MARK3: variants seen among roughly 807,000 people sequenced by gnomAD.
The protein encoded by MARK3 is microtubule affinity regulating kinase 3.
MARK3 carries 46 observed loss-of-function variants against 90.1 expected under a neutral mutation model. That is an observed-to-expected ratio of 0.51 (90% CI 0.40 to 0.65). The LOEUF (loss-of-function observed/expected upper bound fraction) is 0.65, where lower values mean the gene tolerates loss of function less well. Among genes scored for constraint, MARK3 ranks in the 30% least tolerant of loss-of-function variants. MARK3 has a pLI of 0.00. For synonymous variants in MARK3, 321 were observed against 332.6 expected (o/e 0.97, Z 0.38); for missense variants, 818 against 947.2 (o/e 0.86, Z 1.79).
intron 1 of MARK3, among the ~76,000 whole-genome samples, chr14:103,395,066 C>G (rs1169756894): frequency 6.6e-6 from 1 of 152,172 alleles, no homozygotes; most frequent in Non-Finnish European, 1.5e-5. Context: ...AGGCATGAGC[C>G]ACAGCGCCTG....
intron 2 of MARK3, among the ~76,000 whole-genome samples, chr14:103,408,375 G>A (rs910448979): frequency 1.3e-5 from 2 of 152,136 alleles, no homozygotes; most frequent in Admixed American, 6.6e-5. Context: ...TTTTAGTAGA[G>A]AGGGGGTTTC....
intron 3 of MARK3, among the ~76,000 whole-genome samples, chr14:103,431,744 G>A (rs2092588884): frequency 6.6e-6 from 1 of 152,144 alleles, no homozygotes; most frequent in Non-Finnish European, 1.5e-5. Context: ...TGCTATTAGA[G>A]CCTTTTCCCC....
At chr14:103,387,661 T>A (rs2089918255) in intron 1 of MARK3, among the ~76,000 whole-genome samples, 1 of 150,386 alleles carries the variant, frequency 6.6e-6, no homozygotes, top group African/African-American at 2.5e-5. Flanking sequence ...CCCGGCTAAT[T>A]TTTGTATTTT....
chr14:103,392,206 T>A (rs1441086067), intron 1 of MARK3, among the ~76,000 whole-genome samples: 1 of 152,164 alleles, frequency 6.6e-6, no homozygotes, highest in Non-Finnish European at 1.5e-5. Context: ...TCAGCAAGTG[T>A]GAATGCCTAC....
chr14:103,474,041 AAAAATAT>A (rs1231029420), intron 12 of MARK3, among the ~76,000 whole-genome samples: 1 of 130,676 alleles, frequency 7.7e-6, no homozygotes, highest in Non-Finnish European at 1.7e-5. Context: ...CTAAAAAAAA[AAAAATAT>A]ATACAAAAAA....
intron 3 of MARK3, among the ~76,000 whole-genome samples, chr14:103,436,961 C>T (rs758203007): frequency 2.0e-5 from 3 of 152,022 alleles, no homozygotes; most frequent in Non-Finnish European, 4.4e-5. Context: ...GGTGTGGTGG[C>T]GCATGCCTGT....
rs193259244 is a variant in MARK3 at position 103,468,590 on chromosome 14, C to T, written c.1264+404C>T. ...ATCCACCTGCCTTGGCCTCCCAGAGCGCTGGAATTACAGGCATGAGCCACC... is the reference window on the plus strand; with the variant it reads ...ATCCACCTGCCTTGGCCTCCCAGAGTGCTGGAATTACAGGCATGAGCCACC... On this transcript the variant is annotated intron_variant, in intron 12 of 17. Transcript: ENST00000429436. Among the ~76,000 whole-genome samples, 74 of 151,792 alleles carry T rather than the reference C, an allele frequency of 4.9e-4. 2 individuals are homozygous for T. The East Asian group carries it at 0.012, about 25-fold the overall frequency.
At chr14:103,459,378 A>C (rs1007041204) in intron 6 of MARK3, among the ~76,000 whole-genome samples, 1 of 152,216 alleles carries the variant, frequency 6.6e-6, no homozygotes, top group African/African-American at 2.4e-5. Context: ...TAGCAAATTG[A>C]TTTAGAGTGC....
intron 3 of MARK3, chr14:103,429,245 A>G (rs932311678): frequency 1.3e-5 from 2 of 152,228 alleles, no homozygotes; most frequent in African/African-American, 4.8e-5. Flanking sequence ...TAGGAACAGG[A>G]AGTACTGAAT....
At chr14:103,488,141 G>A (rs1335210499) in intron 14 of MARK3, among the ~76,000 whole-genome samples, 1 of 152,008 alleles carries the variant, frequency 6.6e-6, no homozygotes, top group Non-Finnish European at 1.5e-5. Flanking sequence ...AAAAACCTTA[G>A]TCAGTTAGAA....
intron 1 of MARK3, among the ~76,000 whole-genome samples, chr14:103,394,482 T>G (rs1273424151): frequency 6.6e-6 from 1 of 152,168 alleles, no homozygotes; most frequent in Non-Finnish European, 1.5e-5. Flanking sequence ...GAGAGTTCGC[T>G]AGCACTACAC....
chr14:103,474,947 CTT>C, intron 12 of MARK3, 44 bp from the exon 13 acceptor site: 1 of 1,475,236 alleles, frequency 6.8e-7, no homozygotes, highest in Non-Finnish European at 9.4e-7. Flanking sequence ...CAAAATAAAA[CTT>C]GAAACTATAT....
chr14:103,440,718 A>G (rs1595690160), intron 3 of MARK3, among the ~76,000 whole-genome samples: 1 of 152,114 alleles, frequency 6.6e-6, no homozygotes, highest in Admixed American at 6.6e-5. Flanking sequence ...AGATCTCTCC[A>G]AGCCAGGAGT....
chr14:103,456,198 T>C (rs1300159288), intron 5 of MARK3, among the ~76,000 whole-genome samples: 1 of 152,218 alleles, frequency 6.6e-6, no homozygotes, highest in Non-Finnish European at 1.5e-5. Flanking sequence ...CTTCCCACTC[T>C]AGTCCCCGTC....
chr14:103,475,280 A>G (rs1277983044), intron 13 of MARK3, 70 bp downstream of exon 13: 4 of 1,306,372 alleles, frequency 3.1e-6, no homozygotes, highest in African/African-American at 1.5e-5. Flanking sequence ...CCAGGTGTTC[A>G]TTTTACTCCT....
chr14:103,446,227 G>T (rs2141267443), intron 3 of MARK3, among the ~76,000 whole-genome samples: 1 of 152,292 alleles, frequency 6.6e-6, no homozygotes, highest in South Asian at 2.1e-4. Context: ...ACATTTAAAG[G>T]AATTTAGTAT....
chr14:103,474,978 A>G lies in MARK3; in HGVS notation c.1265-15A>G. On this transcript the variant is annotated splice_polypyrimidine_tract_variant and intron_variant, in intron 12 of 17. Transcript: ENST00000429436. The stretch of plus-strand genomic sequence containing the variant: ...ACTATATTCAGTCATTTAAAAAATG[A>G]ACTCTTTATTTTAGCTGGACCAGCT... 1 of 1,592,242 alleles carries G rather than the reference A, an allele frequency of 6.3e-7. No homozygotes were observed. Among genetic ancestry groups the G allele is most frequent in the Admixed American group, 1.7e-5 (1 of 59,034 alleles).
chr14:103,454,247 T>TG (rs1440413782), intron 5 of MARK3, among the ~76,000 whole-genome samples: 1 of 151,466 alleles, frequency 6.6e-6, no homozygotes, highest in African/African-American at 2.4e-5. Flanking sequence ...TGTATTACCT[T>TG]GGGTTTTTTT....
At chr14:103,493,258 A>ATTTTTTT (rs10678432) in intron 15 of MARK3, among the ~76,000 whole-genome samples, 9 of 105,356 alleles carry the variant, frequency 8.5e-5, no homozygotes, top group Admixed American at 1.2e-4. Flanking sequence ...TTTTTTTTTA[A>ATTTTTTT]TTTTTTTTTT....
Sources: gnomAD v4.1 joint callset for allele counts (sites outside exome capture counted in the v4.1 genomes callset) on GRCh38, gnomAD v4.1.1 for gene constraint, MANE v1.5 for transcripts, NCBI Gene and HGNC (gene_info 2026-07-23, HGNC 2026-07-21) for gene names.